Variants in RARB observed in about 807,000 individuals in gnomAD.
RARB encodes the protein HBV-activated protein.
In RARB, 17 loss-of-function variants were observed where a neutral mutation model predicts 51.9. That is an observed-to-expected ratio of 0.33 (90% confidence interval 0.22 to 0.49). The LOEUF is 0.49. RARB is among the 20% of genes least tolerant of loss of function. RARB has a pLI of 0.99. For synonymous variants in RARB, 215 were observed against 195.4 expected (o/e 1.10, Z -0.84); for missense variants, 369 against 550.8 (o/e 0.67, Z 3.30).
chr3:25,293,971 G>C (rs1390779959), intron 5 of RARB, among the ~76,000 whole-genome samples: 1 of 152,144 alleles, frequency 6.6e-6, no homozygotes, highest in African/African-American at 2.4e-5. Flanking sequence ...TAAGGGCTTT[G>C]TTACTTTGAA....
At chr3:25,247,478 G>A (rs564175705) in intron 5 of RARB, among the ~76,000 whole-genome samples, 1 of 152,338 alleles carries the variant, frequency 6.6e-6, no homozygotes, top group South Asian at 2.1e-4. Context: ...CTCCTGGTCT[G>A]TGGGTTGTGA....
At chr3:25,554,195 A>G (rs967228409) in intron 3 of RARB, among the ~76,000 whole-genome samples, 1 of 150,370 alleles carries the variant, frequency 6.7e-6, no homozygotes, top group Admixed American at 6.7e-5. Context: ...TGCTGTGCAG[A>G]AAATAACAAC....
At chr3:25,070,748 A>G (rs1179054414) in intron 3 of RARB, among the ~76,000 whole-genome samples, 3 of 152,214 alleles carry the variant, frequency 2.0e-5, no homozygotes, top group East Asian at 1.9e-4. Flanking sequence ...TGGAGCTTAC[A>G]TTCTCAAGGT....
At chr3:24,977,629 C>T (rs998179364) in intron 2 of RARB, among the ~76,000 whole-genome samples, 2 of 152,148 alleles carry the variant, frequency 1.3e-5, no homozygotes, top group African/African-American at 4.8e-5. Flanking sequence ...TGAGATTTTG[C>T]TTATCAGCTT....
intron 3 of RARB, among the ~76,000 whole-genome samples, chr3:25,130,382 T>TC (rs1441072620): frequency 6.6e-6 from 1 of 152,032 alleles, no homozygotes; most frequent in Non-Finnish European, 1.5e-5. Context: ...TGCTGTGTTT[T>TC]CCCCTTTGTG....
At chr3:25,497,356 T>A (rs1262847732) in intron 2 of RARB, among the ~76,000 whole-genome samples, 1 of 152,216 alleles carries the variant, frequency 6.6e-6, no homozygotes, top group Non-Finnish European at 1.5e-5. Context: ...ACAGGCTGGT[T>A]TCCAGAAGTT....
intron 2 of RARB, among the ~76,000 whole-genome samples, chr3:25,055,918 A>G (rs1218024986): frequency 6.6e-6 from 1 of 152,122 alleles, no homozygotes; most frequent in Non-Finnish European, 1.5e-5. Context: ...GGATCTGGGG[A>G]CATGTGGGCA....
At chr3:25,031,338 A>G (rs1460164731) in intron 2 of RARB, among the ~76,000 whole-genome samples, 1 of 152,224 alleles carries the variant, frequency 6.6e-6, no homozygotes, top group Non-Finnish European at 1.5e-5. Flanking sequence ...AACTGTTAAG[A>G]AACAGAAACA....
chr3:24,888,253 C>G (rs550385405), intron 2 of RARB, among the ~76,000 whole-genome samples: 19 of 152,050 alleles, frequency 1.2e-4, no homozygotes, highest in Admixed American at 4.6e-4. Flanking sequence ...ATAGCAAACA[C>G]TTGCATAGTC....
chr3:25,313,495 G>A (rs183219036), intron 5 of RARB, among the ~76,000 whole-genome samples: 2 of 152,326 alleles, frequency 1.3e-5, no homozygotes, highest in East Asian at 3.9e-4. Context: ...CTCTGGTTGT[G>A]AAACTTCTTT....
intron 2 of RARB, among the ~76,000 whole-genome samples, chr3:25,032,277 C>A (rs1697891923): frequency 6.6e-6 from 1 of 152,184 alleles, no homozygotes; most frequent in South Asian, 2.1e-4. Context: ...ATAATGGAAC[C>A]TGCCTTTCCC....
chr3:25,377,655 A>G (rs1706504342), intron 5 of RARB, among the ~76,000 whole-genome samples: 1 of 152,190 alleles, frequency 6.6e-6, no homozygotes, highest in African/African-American at 2.4e-5. Flanking sequence ...GGGATTGTAG[A>G]ATAAAGAAAA....
intron 5 of RARB, among the ~76,000 whole-genome samples, chr3:25,205,575 G>A (rs546133472): frequency 2.0e-5 from 3 of 152,052 alleles, no homozygotes; most frequent in South Asian, 2.1e-4. Flanking sequence ...ACAACCCACT[G>A]CAATGTTTTT....
At chr3:24,998,608 A>G (rs1483690025) in intron 2 of RARB, among the ~76,000 whole-genome samples, 1 of 152,082 alleles carries the variant, frequency 6.6e-6, no homozygotes, top group East Asian at 1.9e-4. Context: ...CTTTTATCCT[A>G]AGGAGTTATG....
chr3:25,111,486 C>T (rs1299950768), intron 3 of RARB, among the ~76,000 whole-genome samples: 1 of 151,998 alleles, frequency 6.6e-6, no homozygotes, highest in East Asian at 1.9e-4. Flanking sequence ...AAATGCCATG[C>T]CCCTTCACAA....
chr3:24,959,455 TC>T (rs1406900859), intron 2 of RARB, among the ~76,000 whole-genome samples: 1 of 152,088 alleles, frequency 6.6e-6, no homozygotes, highest in African/African-American at 2.4e-5. Flanking sequence ...GCTTCTCTTC[TC>T]CCCTTCTCTG....
At chr3:25,442,276 C>T (rs972033809) in intron 1 of RARB, among the ~76,000 whole-genome samples, 6 of 152,056 alleles carry the variant, frequency 3.9e-5, no homozygotes, top group South Asian at 4.1e-4. Context: ...GCTGGGATTA[C>T]AGGAGCGCGC....
chr3:25,394,071 T>C (rs370055562), intron 5 of RARB, among the ~76,000 whole-genome samples: 7 of 152,264 alleles, frequency 4.6e-5, no homozygotes, highest in Admixed American at 2.0e-4. Flanking sequence ...AGAAATACTT[T>C]TGCTGTATCA....
intron 3 of RARB, among the ~76,000 whole-genome samples, chr3:25,084,967 A>G (rs1310666385): frequency 6.6e-6 from 1 of 152,190 alleles, no homozygotes; most frequent in African/African-American, 2.4e-5. Flanking sequence ...AATGAGCATG[A>G]CAGACAAGTC....
Sources: gnomAD v4.1 joint callset for allele counts (sites outside exome capture counted in the v4.1 genomes callset) on GRCh38, gnomAD v4.1.1 for gene constraint, MANE v1.5 for transcripts, NCBI Gene and HGNC (gene_info 2026-07-23, HGNC 2026-07-21) for gene names.